SCMH1: variants seen among roughly 807,000 people sequenced by gnomAD.
SCMH1 encodes the protein polycomb protein SCMH1.
SCMH1 carries 37 observed loss-of-function variants against 70.8 expected under a neutral mutation model. The observed-to-expected ratio is 0.52, with a 90% CI of 0.40 to 0.69. SCMH1 has a LOEUF of 0.69. Among genes scored for constraint, SCMH1 ranks in the 30% least tolerant of loss-of-function variants. The pLI is 0.00. For synonymous variants in SCMH1, 292 were observed against 307.4 expected, an observed-to-expected ratio of 0.95 and a Z score of 0.52; for missense variants, 607 against 827.3, an observed-to-expected ratio of 0.73 and a Z score of 3.27.
At chr1:41,191,266 C>G (rs1651655896) in intron 1 of SCMH1, among the ~76,000 whole-genome samples, 1 of 152,228 alleles carries the variant, frequency 6.6e-6, no homozygotes, top group African/African-American at 2.4e-5. Context: ...TGGCTGAAAT[C>G]TCTTCCTTCT....
intron 1 of SCMH1, among the ~76,000 whole-genome samples, chr1:41,216,948 C>A (rs988586997): frequency 6.6e-6 from 1 of 152,154 alleles, no homozygotes; most frequent in Admixed American, 6.5e-5. Context: ...TTCCCTGTCT[C>A]TTCTATCTTC....
intron 6 of SCMH1, among the ~76,000 whole-genome samples, chr1:41,120,378 C>G (rs1671624486): frequency 6.6e-6 from 1 of 152,106 alleles, no homozygotes; most frequent in Non-Finnish European, 1.5e-5. Context: ...TGGGCAGGCA[C>G]TATTATTATC....
At chr1:41,104,524 A>T (rs1667392918) in intron 8 of SCMH1, among the ~76,000 whole-genome samples, 1 of 152,240 alleles carries the variant, frequency 6.6e-6, no homozygotes, top group Non-Finnish European at 1.5e-5. Context: ...GTGGTGACAG[A>T]TATCCCAATG....
At chr1:41,097,513 G>C (rs1392901459) in intron 8 of SCMH1, among the ~76,000 whole-genome samples, 1 of 152,180 alleles carries the variant, frequency 6.6e-6, no homozygotes, top group African/African-American at 2.4e-5. Flanking sequence ...CTGTCACCCA[G>C]GCTGGAGTGC....
intron 4 of SCMH1, 50 bp downstream of exon 4, chr1:41,160,825 T>G: frequency 6.6e-7 from 1 of 1,509,870 alleles, no homozygotes. Context: ...ATCTAATCCC[T>G]GGTTTACCAA....
chr1:41,145,448 T>A lies in SCMH1; in HGVS notation c.178-2336A>T, dbSNP rs998291673. Among the ~76,000 whole-genome samples, 5 of 152,238 alleles carry A rather than the reference T, an allele frequency of 3.3e-5. No homozygotes were observed. The South Asian group carries it at 1.0e-3, about 32-fold the overall frequency. ...GTCTATTTTCCTGCCAGAACCATTA[T>A]GTCTTAAGTACTGTAGCTTTGTAGT... On this transcript the variant is annotated intron_variant, in intron 5 of 14. Coordinates refer to ENST00000337495, the Ensembl canonical transcript of SCMH1.
At chr1:41,030,826 G>A (rs550152848) in intron 13 of SCMH1, among the ~76,000 whole-genome samples, 15 of 152,266 alleles carry the variant, frequency 9.9e-5, no homozygotes, top group African/African-American at 2.4e-4. Context: ...GTAGATGTTC[G>A]AACACATCTG....
chr1:41,037,789 G>T (rs1220758797), intron 12 of SCMH1, among the ~76,000 whole-genome samples: 2 of 152,114 alleles, frequency 1.3e-5, no homozygotes, highest in Admixed American at 1.3e-4. Flanking sequence ...GGCTTTTTCT[G>T]GTCTAGATGC....
chr1:41,186,198 T>G, exon 2 of SCMH1: 2 of 869,608 alleles, frequency 2.3e-6, no homozygotes, highest in Non-Finnish European at 3.8e-6. Flanking sequence ...GATCCACCAA[T>G]ACCTTGCTCT....
intron 8 of SCMH1, among the ~76,000 whole-genome samples, chr1:41,076,727 T>C (rs1479929188): frequency 1.3e-5 from 2 of 152,148 alleles, no homozygotes; most frequent in Non-Finnish European, 2.9e-5. Flanking sequence ...GCAAAGAGTC[T>C]GAGACAGGAA....
At chr1:41,077,089 G>A (rs1030866846) in intron 8 of SCMH1, among the ~76,000 whole-genome samples, 2 of 152,072 alleles carry the variant, frequency 1.3e-5, no homozygotes, top group African/African-American at 2.4e-5. Context: ...CAATGTTAAC[G>A]ATGCAACAAC....
At chr1:41,109,046 G>T (rs1048082896) in intron 8 of SCMH1, among the ~76,000 whole-genome samples, 1 of 152,144 alleles carries the variant, frequency 6.6e-6, no homozygotes, top group Non-Finnish European at 1.5e-5. Context: ...AAGGAGAATG[G>T]GAAGAGTATC....
At chr1:41,205,460 T>G (rs551652487) in intron 1 of SCMH1, among the ~76,000 whole-genome samples, 1 of 152,352 alleles carries the variant, frequency 6.6e-6, no homozygotes, top group South Asian at 2.1e-4. Context: ...AGTCTGAGAC[T>G]GACCTCAATC....
chr1:41,075,673 T>C (rs1658071862), intron 8 of SCMH1, among the ~76,000 whole-genome samples: 1 of 152,200 alleles, frequency 6.6e-6, no homozygotes, highest in Non-Finnish European at 1.5e-5. Flanking sequence ...AGAAAAAATA[T>C]TAAATTTTTC....
chr1:41,028,717 C>T (rs748715258), exon 14 of SCMH1: 29 of 1,614,042 alleles, frequency 1.8e-5, no homozygotes, highest in Middle Eastern at 1.7e-4. Flanking sequence ...CTCCAGGTAT[C>T]GGTCCGACCC....
rs183592344 is a variant in SCMH1 at position 41,170,000 on chromosome 1, A to G, written c.14-8568T>C. On this transcript the variant is annotated intron_variant, in intron 2 of 14. Transcript: ENST00000337495. ...GACTGCCCCTAAACTCCCCCAATGT[A>G]AGTTAGTTAGAAGCCAAACAAACAA... Among the ~76,000 whole-genome samples, 19 of 152,290 alleles carry G rather than the reference A, an allele frequency of 1.2e-4. No individual in the cohort carries two copies. In the East Asian group the frequency reaches 2.9e-3, roughly 23 times the overall value.
intron 6 of SCMH1, among the ~76,000 whole-genome samples, chr1:41,119,248 A>G (rs1217306883): frequency 6.6e-6 from 1 of 152,164 alleles, no homozygotes; most frequent in Non-Finnish European, 1.5e-5. Flanking sequence ...GCAAATAAAA[A>G]AAGAGTTACC....
chr1:41,045,773 T>G (rs1476824955), intron 12 of SCMH1: 1 of 152,352 alleles, frequency 6.6e-6, no homozygotes, highest in East Asian at 1.9e-4. Flanking sequence ...GGGTTCCAGA[T>G]GAGAGACGCA....
intron 10 of SCMH1, among the ~76,000 whole-genome samples, chr1:41,059,750 C>T (rs926430959): frequency 6.6e-6 from 1 of 152,192 alleles, no homozygotes; most frequent in African/African-American, 2.4e-5. Flanking sequence ...TTAGATGCTA[C>T]TGTGGGGCCG....
Sources: gnomAD v4.1 joint callset for allele counts (sites outside exome capture counted in the v4.1 genomes callset) on GRCh38, gnomAD v4.1.1 for gene constraint, MANE v1.5 for transcripts, NCBI Gene and HGNC (gene_info 2026-07-23, HGNC 2026-07-21) for gene names.